Variants in PIEZO2 observed in about 807,000 individuals in gnomAD.
PIEZO2 encodes piezo-type mechanosensitive ion channel component 2.
PIEZO2 carries 172 observed loss-of-function variants against 337.3 expected under a neutral mutation model. The ratio of observed to expected loss-of-function variants is 0.51; its 90% CI spans 0.45 to 0.58. The LOEUF is 0.58. Ranked by LOEUF, PIEZO2 falls within the 20% of genes least tolerant of loss-of-function variation. The pLI is 0.00. For missense variants in PIEZO2, 3,028 were observed against 3,391.3 expected (o/e 0.89, Z 2.66); for synonymous variants, 1,251 against 1,228.5 (o/e 1.02, Z -0.38).
chr18:11,119,937 T>C (rs1407552019), intron 1 of PIEZO2, among the ~76,000 whole-genome samples: 3 of 152,218 alleles, frequency 2.0e-5, no homozygotes, highest in East Asian at 3.8e-4. Context: ...TAAATTGCAA[T>C]TGTTTTTGCA....
chr18:11,081,207 AATAC>A (rs1300956715), intron 1 of PIEZO2, among the ~76,000 whole-genome samples: 3 of 152,204 alleles, frequency 2.0e-5, no homozygotes, highest in Non-Finnish European at 4.4e-5. Flanking sequence ...TTTTCTTACA[AATAC>A]ATTCAATGCA....
In PIEZO2 at chr18:10,699,186, G is replaced by A. The variant is rs1412310148; in HGVS notation, c.6442-9C>T. 1.2e-5 allele frequency: 19 copies of A among 1,537,070 alleles called. No individual in the cohort carries two copies. Among genetic ancestry groups the A allele is most frequent in the Non-Finnish European group, 1.6e-5 (18 of 1,146,898 alleles). ...TCCCATAAGCCATGGCACTGAGAAA[G>A]CAGGGACAGGGACAAATGAGGCTAC... On this transcript the variant is annotated splice_polypyrimidine_tract_variant and intron_variant, in intron 43 of 55. Transcript: ENST00000674853.
chr18:10,689,530 C>T, intron 49 of PIEZO2, 125 bp downstream of exon 49: 1 of 1,261,818 alleles, frequency 7.9e-7, no homozygotes, highest in South Asian at 1.3e-5. Context: ...ATCACTGGGA[C>T]ATTTATAGGT....
chr18:10,853,411 T>G lies in PIEZO2; in HGVS notation c.917+1942A>C. On this transcript the variant is annotated intron_variant, in intron 7 of 55. Coordinates refer to ENST00000674853, the MANE Select transcript of PIEZO2 (RefSeq NM_001378183.1). The surrounding 1 kb of genome is among the most constrained non-coding windows in gnomAD (Gnocchi z 4.2). ...TTAATACATTGTCACTCATTCCTGCTCCAAAACTTGCCTCAGTCTCTCCTG... is the reference window on the plus strand; with the variant it reads ...TTAATACATTGTCACTCATTCCTGCGCCAAAACTTGCCTCAGTCTCTCCTG... 6.6e-6 allele frequency among the ~76,000 whole-genome samples: 1 copy of G among 152,218 alleles called. No individual in the cohort carries two copies. The highest frequency in any genetic ancestry group is 1.9e-4 in the East Asian group (1 of 5,200).
At chr18:10,691,638 A>AATT (rs1041525161) in intron 47 of PIEZO2, among the ~76,000 whole-genome samples, 2 of 151,668 alleles carry the variant, frequency 1.3e-5, no homozygotes, top group Admixed American at 1.3e-4. Context: ...AATTAAAATA[A>AATT]ATTATTAAGT....
chr18:10,978,083 G>A (rs1207184355), intron 3 of PIEZO2, among the ~76,000 whole-genome samples: 1 of 152,150 alleles, frequency 6.6e-6, no homozygotes, highest in Non-Finnish European at 1.5e-5. Flanking sequence ...AGCACTTTGG[G>A]AGGCCGAGGC....
chr18:10,871,032 C>T (rs748884917), intron 5 of PIEZO2, among the ~76,000 whole-genome samples: 1 of 151,902 alleles, frequency 6.6e-6, no homozygotes, highest in Non-Finnish European at 1.5e-5. Flanking sequence ...TACCTATGAA[C>T]ACCCCTGAGC....
rs1465128324 is a variant in PIEZO2 at position 11,112,009 on chromosome 18, G to A, written c.64+36516C>T. On this transcript the variant is annotated intron_variant, in intron 1 of 55. Transcript: ENST00000674853. This position sits in a 1 kb window ranked among gnomAD's most constrained non-coding sequence, Gnocchi z 4.3. ...TAAGAGGGAAAATGGTAGGGGAGCCGTGAATGAAGTTTCATAGTCCTTTAT... is the reference window on the plus strand; with the variant it reads ...TAAGAGGGAAAATGGTAGGGGAGCCATGAATGAAGTTTCATAGTCCTTTAT... Among the ~76,000 whole-genome samples, 5 of 152,146 alleles carry A rather than the reference G, an allele frequency of 3.3e-5. No homozygotes were observed. Among genetic ancestry groups the A allele is most frequent in the African/African-American group, 4.8e-5 (2 of 41,426 alleles).
In PIEZO2 at chr18:10,954,546, C is replaced by T. The variant is rs1184899762; in HGVS notation, c.286+24989G>A. Reference sequence around the variant, plus strand: ...TTGAAATATTCTACATTGATGGTGTCTCTGCATATTTATGTGGGTAAGGGA... The same window carrying T: ...TTGAAATATTCTACATTGATGGTGTTTCTGCATATTTATGTGGGTAAGGGA... On this transcript the variant is annotated intron_variant, in intron 3 of 55. Coordinates refer to ENST00000674853, the MANE Select transcript of PIEZO2 (RefSeq NM_001378183.1). This position sits in a 1 kb window ranked among gnomAD's most constrained non-coding sequence, Gnocchi z 4.2. Among the ~76,000 whole-genome samples the T allele has an allele frequency of 6.6e-6, 1 of 152,060 alleles. No individual in the cohort carries two copies. Among genetic ancestry groups the T allele is most frequent in the Non-Finnish European group, 1.5e-5 (1 of 68,042 alleles).
chr18:11,093,110 A>G (rs2146051381), intron 1 of PIEZO2, among the ~76,000 whole-genome samples: 1 of 152,332 alleles, frequency 6.6e-6, no homozygotes, highest in East Asian at 1.9e-4. Flanking sequence ...ACATTGGAAG[A>G]ATAATATGCT....
At position 10,819,645 on chromosome 18, in the gene PIEZO2, G is replaced by C. The variant is rs550467089; in HGVS notation, c.918-12371C>G. Among the ~76,000 whole-genome samples the C allele has an allele frequency of 6.6e-6, 1 of 152,088 alleles. No homozygotes were observed. The highest frequency in any genetic ancestry group is 1.5e-5 in the Non-Finnish European group (1 of 68,006). ...TCAATGTTGTTCTCAATGCATCATC[G>C]GTGTTCACCTTCATGCTTGTTCTCT... On this transcript the variant is annotated intron_variant, in intron 7 of 55. Coordinates refer to ENST00000674853, the MANE Select transcript of PIEZO2 (RefSeq NM_001378183.1). This position sits in a 1 kb window ranked among gnomAD's most constrained non-coding sequence, Gnocchi z 4.3.
chr18:10,709,320 G>A (rs907689358), intron 39 of PIEZO2: 1 of 152,244 alleles, frequency 6.6e-6, no homozygotes, highest in Non-Finnish European at 1.5e-5. Context: ...GCTCATGAGA[G>A]GAGGCACACA....
chr18:10,691,684 G>A (rs1361179860), intron 47 of PIEZO2, among the ~76,000 whole-genome samples: 1 of 150,368 alleles, frequency 6.7e-6, no homozygotes, highest in Non-Finnish European at 1.5e-5. Flanking sequence ...CTATGTAGAT[G>A]ATGCAGCTAC....
rs1374816002 is a variant in PIEZO2, at chr18:11,097,580, C to T, written c.65-31358G>A. ...ACAGCAAAAGCTATTTAGAGGAGTA[C>T]AGCCTAATCACCACCACCAAAACAA... On this transcript the variant is annotated intron_variant, in intron 1 of 55. Coordinates refer to ENST00000674853, the MANE Select transcript of PIEZO2 (RefSeq NM_001378183.1). The surrounding 1 kb of genome is among the most constrained non-coding windows in gnomAD (Gnocchi z 5.0). 2.0e-5 allele frequency among the ~76,000 whole-genome samples: 3 copies of T among 152,236 alleles called. No individual in the cohort carries two copies. Among genetic ancestry groups the T allele is most frequent in the African/African-American group, 4.8e-5 (2 of 41,462 alleles).
At chr18:10,937,798 G>A (rs921222493) in intron 3 of PIEZO2, among the ~76,000 whole-genome samples, 1 of 152,100 alleles carries the variant, frequency 6.6e-6, no homozygotes, top group African/African-American at 2.4e-5. Flanking sequence ...CTTCTTCCCT[G>A]ACATTTTGCT....
At position 10,847,226 on chromosome 18, in the gene PIEZO2, G is replaced by A. The variant is rs533711070; in HGVS notation, c.917+8127C>T. On this transcript the variant is annotated intron_variant, in intron 7 of 55. Transcript: ENST00000674853. The surrounding 1 kb of genome is among the most constrained non-coding windows in gnomAD (Gnocchi z 5.7). ...ATGCTCGCTGGCCAGATGACATGAC[G>A]GCAGCCGGGGCAGGTGACTGCAGGT... 2.5e-4 allele frequency among the ~76,000 whole-genome samples: 38 copies of A among 152,318 alleles called. No individual in the cohort carries two copies. In the South Asian group the frequency reaches 7.1e-3, roughly 28 times the overall value.
rs577245550 is a variant in PIEZO2, at chr18:10,778,829, G to A, written c.2534+1496C>T. 4.5e-4 allele frequency among the ~76,000 whole-genome samples: 68 copies of A among 152,276 alleles called. 1 individual carries two copies. Among genetic ancestry groups the A allele is most frequent in the African/African-American group, 1.5e-3 (61 of 41,554 alleles). On this transcript the variant is annotated intron_variant, in intron 18 of 55. Transcript: ENST00000674853. The stretch of plus-strand genomic sequence containing the variant: ...AGCTCCCATTCATGATATAAGTCTC[G>A]TCCTTCGGGATCAAAAGTCATACGA...
At chr18:10,797,206 C>CTATGAGGGCACAG (rs2039639577) in intron 12 of PIEZO2, among the ~76,000 whole-genome samples, 168 bp downstream of exon 12, 1 of 151,018 alleles carries the variant, frequency 6.6e-6, no homozygotes, top group Non-Finnish European at 1.5e-5. Context: ...ACCATCATAT[C>CTATGAGGGCACAG]ATATCTTACA....
chr18:10,922,209 T>C (rs565459285), intron 3 of PIEZO2, among the ~76,000 whole-genome samples: 4 of 152,108 alleles, frequency 2.6e-5, no homozygotes, highest in Non-Finnish European at 5.9e-5. Context: ...CATCACAGAA[T>C]CTACCGACAT....
Sources: gnomAD v4.1 joint callset for allele counts (sites outside exome capture counted in the v4.1 genomes callset) on GRCh38, gnomAD v4.1.1 for gene constraint, Gnocchi (gnomAD v3.1) non-coding constraint, MANE v1.5 for transcripts, NCBI Gene and HGNC (gene_info 2026-07-23, HGNC 2026-07-21) for gene names.